ZMIZ1: variants seen among roughly 807,000 people sequenced by gnomAD.
ZMIZ1 encodes zinc finger MIZ-type containing 1.
In ZMIZ1, 17 loss-of-function variants were observed where a neutral mutation model predicts 113.9. That is an observed-to-expected ratio of 0.15 (90% CI 0.10 to 0.22). The LOEUF (loss-of-function observed/expected upper bound fraction) is 0.22, where lower values mean the gene tolerates loss of function less well. Among genes scored for constraint, ZMIZ1 ranks in the 10% least tolerant of loss-of-function variants. The pLI is 1.00. For synonymous variants in ZMIZ1, 607 were observed against 603.1 expected, an observed-to-expected ratio of 1.01 and a Z score of -0.09; for missense variants, 1,059 against 1,477.8, an observed-to-expected ratio of 0.72 and a Z score of 4.65.
At chr10:79,090,675 C>A (rs1300091918) in intron 1 of ZMIZ1, among the ~76,000 whole-genome samples, 2 of 152,206 alleles carry the variant, frequency 1.3e-5, no homozygotes, top group Non-Finnish European at 2.9e-5. Context: ...CAGTGTGCAG[C>A]GGTGCGTTTC....
At chr10:79,307,350 G>A in intron 22 of ZMIZ1, 55 bp from the exon 23 acceptor site, 2 of 1,540,322 alleles carry the variant, frequency 1.3e-6, no homozygotes, top group Admixed American at 1.7e-5. Flanking sequence ...TTCCCTGGGG[G>A]TGGCCACTAT....
chr10:79,271,550 G>T (rs1321853283), intron 7 of ZMIZ1, among the ~76,000 whole-genome samples: 1 of 152,174 alleles, frequency 6.6e-6, no homozygotes, highest in East Asian at 1.9e-4. Flanking sequence ...ATATGGGGTT[G>T]CAGGGATTGG....
intron 8 of ZMIZ1, chr10:79,285,329 G>A (rs1393816795): frequency 8.0e-6 from 3 of 372,816 alleles, no homozygotes; most frequent in Non-Finnish European, 1.6e-5. Flanking sequence ...CAGTAACAGC[G>A]GCAGCCAGCA....
At chr10:79,086,358 A>G (rs1178700536) in intron 1 of ZMIZ1, among the ~76,000 whole-genome samples, 1 of 152,228 alleles carries the variant, frequency 6.6e-6, no homozygotes, top group Non-Finnish European at 1.5e-5. Flanking sequence ...GACCTGGAGC[A>G]GAGAAGGTGC....
intron 6 of ZMIZ1, among the ~76,000 whole-genome samples, chr10:79,213,931 C>T (rs1434352460): frequency 6.6e-6 from 1 of 152,164 alleles, no homozygotes; most frequent in Non-Finnish European, 1.5e-5. Context: ...TACGTGGGAG[C>T]CAGCATTTTC....
intron 1 of ZMIZ1, among the ~76,000 whole-genome samples, chr10:79,115,223 T>C (rs1310003169): frequency 6.6e-6 from 1 of 152,184 alleles, no homozygotes; most frequent in Non-Finnish European, 1.5e-5. Flanking sequence ...AGGCATACTC[T>C]AGTCTAGAGT....
chr10:79,298,085 T>C (rs572863301), intron 14 of ZMIZ1, among the ~76,000 whole-genome samples: 1 of 152,106 alleles, frequency 6.6e-6, no homozygotes, highest in Admixed American at 6.5e-5. Flanking sequence ...CGCTGTCCTG[T>C]CCTCCAAGGG....
At chr10:79,232,207 G>A (rs1849421280) in intron 7 of ZMIZ1, among the ~76,000 whole-genome samples, 1 of 152,198 alleles carries the variant, frequency 6.6e-6, no homozygotes, top group East Asian at 1.9e-4. Flanking sequence ...GGATATAAGG[G>A]AAAACTGTGC....
chr10:79,068,979 C>T lies in ZMIZ1; in HGVS notation c.-628C>T, dbSNP rs1428690529. 3.3e-5 allele frequency: 5 copies of T among 151,890 alleles called. No homozygotes were observed. The highest frequency in any genetic ancestry group is 5.9e-5 in the Non-Finnish European group (4 of 67,738). The allele number at this position is 151,890 out of a possible 1,614,324, so 9.4% of individuals were successfully genotyped here. On this transcript the variant is annotated 5_prime_UTR_variant, in exon 1 of 25. Transcript: ENST00000334512. The stretch of plus-strand genomic sequence containing the variant: ...GCGAGTTGATTCACTTACTCACCCC[C>T]TAACGCCGAGTTCCTTTTCACTGTC...
chr10:79,094,098 A>T (rs1843085858), intron 1 of ZMIZ1, among the ~76,000 whole-genome samples: 1 of 152,224 alleles, frequency 6.6e-6, no homozygotes, highest in African/African-American at 2.4e-5. Flanking sequence ...CCTGTTCCAC[A>T]CGTCACAGCT....
intron 7 of ZMIZ1, among the ~76,000 whole-genome samples, chr10:79,270,149 G>A (rs1368167630): frequency 1.3e-5 from 2 of 152,188 alleles, no homozygotes; most frequent in Non-Finnish European, 2.9e-5. Flanking sequence ...CAGCTGCCCC[G>A]GCATCCTCAC....
chr10:79,130,705 A>C (rs1218743885), intron 2 of ZMIZ1, among the ~76,000 whole-genome samples: 1 of 152,056 alleles, frequency 6.6e-6, no homozygotes, highest in African/African-American at 2.4e-5. Context: ...GCAGTCACTT[A>C]ACCTCTCGGT....
intron 7 of ZMIZ1, among the ~76,000 whole-genome samples, chr10:79,252,770 C>T (rs545520359): frequency 2.2e-4 from 34 of 152,306 alleles, no homozygotes; most frequent in African/African-American, 5.8e-4. Context: ...CCCCCCTGCC[C>T]GTGCCCTTAC....
At chr10:79,117,352 T>A (rs1292223383) in intron 1 of ZMIZ1, among the ~76,000 whole-genome samples, 1 of 152,232 alleles carries the variant, frequency 6.6e-6, no homozygotes, top group Non-Finnish European at 1.5e-5. Flanking sequence ...TTTTTGCCCT[T>A]CTTGACCTTT....
intron 23 of ZMIZ1, among the ~76,000 whole-genome samples, chr10:79,309,728 T>C (rs964023702): frequency 3.9e-5 from 6 of 152,020 alleles, no homozygotes; most frequent in African/African-American, 1.4e-4. Context: ...TGGCTGCAAA[T>C]TCTAAATGCA....
chr10:79,260,324 G>C (rs1851194113), intron 7 of ZMIZ1, among the ~76,000 whole-genome samples: 1 of 152,232 alleles, frequency 6.6e-6, no homozygotes, highest in Non-Finnish European at 1.5e-5. Context: ...AGCAGGTGGT[G>C]ATAGGTGCTC....
rs1331775830 is a variant in ZMIZ1, at chr10:79,069,690, C to G, written c.-337+420C>G. On this transcript the variant is annotated intron_variant, in intron 1 of 24. Transcript: ENST00000334512. The surrounding 1 kb of genome is among the most constrained non-coding windows in gnomAD (Gnocchi z 4.6). ...CTCCTTCGCCTCCTCTGGGGAGATG[C>G]GAAGTTGTGCGCCTGTGTGTGTACA... 6.6e-6 allele frequency among the ~76,000 whole-genome samples: 1 copy of G among 152,098 alleles called. No homozygotes were observed. The highest frequency in any genetic ancestry group is 1.9e-4 in the East Asian group (1 of 5,166).
chr10:79,083,435 G>A (rs750997769), intron 1 of ZMIZ1, among the ~76,000 whole-genome samples: 3 of 152,154 alleles, frequency 2.0e-5, no homozygotes, highest in African/African-American at 4.8e-5. Flanking sequence ...AGAGTGGGGA[G>A]GAAGTCAACA....
Position 79,307,510 on chromosome 10 carries a change from C to A in ZMIZ1, c.2774C>A (p.Pro925Gln). ...MHGPPQLSHP[P>Q]DMPNNMAALE... is the part of the protein sequence containing the mutation. ...GGGCCCCCCCAGCTCTCCCACCCCC[C>A]GGACATGCCCAACAACATGGCCGCC... The change falls in exon 23 of 25, where the codon CCG (proline) becomes CAG (glutamine). Residue 925 changes from proline (P) to glutamine (Q), a missense_variant. Around this residue, in one of 6 missense-constraint regions of ZMIZ1, gnomAD observed 225 missense variants for 276.0 expected, o/e 0.82. Coordinates refer to ENST00000334512, the MANE Select transcript of ZMIZ1 (RefSeq NM_020338.4). 6.2e-7 allele frequency: 1 copy of A among 1,612,468 alleles called. No individual in the cohort carries two copies. Among genetic ancestry groups the A allele is most frequent in the Non-Finnish European group, 8.5e-7 (1 of 1,179,228 alleles).
Sources: allele counts gnomAD v4.1 joint callset (sites outside exome capture counted in the v4.1 genomes callset), GRCh38; gene constraint gnomAD v4.1.1; regional missense constraint gnomAD v4.1.1; non-coding constraint Gnocchi (gnomAD v3.1); transcripts MANE v1.5; gene names NCBI Gene and HGNC (gene_info 2026-07-23, HGNC 2026-07-21).